ARHGAP10: variants seen among roughly 807,000 people sequenced by gnomAD.
ARHGAP10 encodes the protein rho GTPase-activating protein 10.
A neutral mutation model predicts 108.6 loss-of-function variants in ARHGAP10; 87 were observed. That is an observed-to-expected ratio of 0.80 (90% CI 0.67 to 0.96). The LOEUF (loss-of-function observed/expected upper bound fraction) is 0.96, where lower values mean the gene tolerates loss of function less well. Among genes scored for constraint, ARHGAP10 ranks in the 40% least tolerant of loss-of-function variants. The pLI is 0.00. For synonymous variants in ARHGAP10, 347 were observed against 341.1 expected (o/e 1.02, Z -0.19); for missense variants, 939 against 954.5 (o/e 0.98, Z 0.21).
chr4:147,815,212 C>T (rs142797365), intron 1 of ARHGAP10, among the ~76,000 whole-genome samples: 98 of 152,336 alleles, frequency 6.4e-4, no homozygotes, highest in Non-Finnish European at 1.2e-3. Flanking sequence ...TCTCTGGGTT[C>T]CACTACTTCC....
chr4:147,813,158 A>C (rs960457055), intron 1 of ARHGAP10, among the ~76,000 whole-genome samples: 1 of 151,980 alleles, frequency 6.6e-6, no homozygotes, highest in African/African-American at 2.4e-5. Flanking sequence ...TTTTTAAATA[A>C]AAGAATTGTA....
intron 18 of ARHGAP10, among the ~76,000 whole-genome samples, chr4:147,997,703 AAAG>A (rs1474281922): frequency 6.6e-6 from 1 of 152,238 alleles, no homozygotes; most frequent in African/African-American, 2.4e-5. Flanking sequence ...TAACCTGGTC[AAAG>A]AATCCACTAA....
At chr4:147,958,383 TC>T (rs56668377) in intron 16 of ARHGAP10, among the ~76,000 whole-genome samples, 6,967 of 152,288 alleles carry the variant, frequency 0.046, 519 homozygotes, top group African/African-American at 0.16. Flanking sequence ...GTGTATTTCT[TC>T]CTGTAGTCAA....
Position 147,909,792 on chromosome 4 carries a change from A to G in ARHGAP10, c.1162+15A>G. 2 of 1,598,090 alleles carry G rather than the reference A, an allele frequency of 1.3e-6. No individual in the cohort carries two copies. Among genetic ancestry groups the G allele is most frequent in the Non-Finnish European group, 1.7e-6 (2 of 1,165,538 alleles). ...ACCAGAAGGAAGTAAGTGCTCATTT[A>G]TAAAAATGATTGTATCCTCCTTTTC... On this transcript the variant is annotated intron_variant, in intron 12 of 22. Transcript: ENST00000336498.
chr4:147,955,437 A>G, intron 16 of ARHGAP10, 63 bp downstream of exon 16: 1 of 1,417,882 alleles, frequency 7.1e-7, no homozygotes. Context: ...TAAACGAAAA[A>G]TTTCCATATG....
intron 13 of ARHGAP10, among the ~76,000 whole-genome samples, chr4:147,926,371 AAG>A (rs780479874): frequency 2.0e-5 from 3 of 152,088 alleles, no homozygotes; most frequent in Non-Finnish European, 4.4e-5. Flanking sequence ...GATGGATAGG[AAG>A]AGAGACTTCG....
chr4:148,061,063 C>A (rs1578839189), intron 20 of ARHGAP10, among the ~76,000 whole-genome samples: 1 of 151,432 alleles, frequency 6.6e-6, no homozygotes, highest in African/African-American at 2.4e-5. Flanking sequence ...ACAAACACAC[C>A]CACCCACCCG....
At chr4:147,916,717 C>T (rs568376394) in intron 13 of ARHGAP10, 5 of 152,250 alleles carry the variant, frequency 3.3e-5, no homozygotes, top group Admixed American at 2.0e-4. Flanking sequence ...GAAGTGATTC[C>T]AAAAGTCCAC....
At chr4:147,760,012 A>C (rs1729530656) in intron 1 of ARHGAP10, among the ~76,000 whole-genome samples, 2 of 152,158 alleles carry the variant, frequency 1.3e-5, no homozygotes, top group Admixed American at 1.3e-4. Flanking sequence ...AGCCTCCCAA[A>C]GTGCTGGAAT....
chr4:147,849,428 C>T (rs932411561), intron 4 of ARHGAP10, among the ~76,000 whole-genome samples: 2 of 152,096 alleles, frequency 1.3e-5, no homozygotes, highest in Non-Finnish European at 2.9e-5. Flanking sequence ...CAGTCTTGTT[C>T]CTCTGATTAA....
chr4:148,058,397 C>T (rs970656419), intron 20 of ARHGAP10, among the ~76,000 whole-genome samples: 5 of 152,072 alleles, frequency 3.3e-5, no homozygotes, highest in South Asian at 2.1e-4. Context: ...TTTCTTAATG[C>T]GTATTCTCCT....
chr4:147,993,021 A>G lies in ARHGAP10; in HGVS notation c.1716+26182A>G, dbSNP rs144494237. Among the ~76,000 whole-genome samples the G allele has an allele frequency of 3.4e-3, 525 of 152,332 alleles. 2 individuals are homozygous for G. Among genetic ancestry groups the G allele is most frequent in the African/African-American group, 0.012 (505 of 41,576 alleles). On this transcript the variant is annotated intron_variant, in intron 18 of 22. Transcript: ENST00000336498. ...AGTCATTACTACTTCTTATGCAGAT[A>G]TTTGTAGAATTACCTTCTTTCTAAT...
At chr4:147,948,101 C>G (rs577862632) in intron 15 of ARHGAP10, among the ~76,000 whole-genome samples, 2 of 151,964 alleles carry the variant, frequency 1.3e-5, no homozygotes, top group Non-Finnish European at 2.9e-5. Context: ...CCACCATGTC[C>G]GGCTAATTTT....
intron 1 of ARHGAP10, among the ~76,000 whole-genome samples, chr4:147,791,192 G>A (rs1237933523): frequency 6.7e-6 from 1 of 149,694 alleles, no homozygotes; most frequent in African/African-American, 2.5e-5. Flanking sequence ...GCTCACTGCA[G>A]CCTCTGTGTC....
intron 18 of ARHGAP10, among the ~76,000 whole-genome samples, chr4:147,980,279 G>A (rs1216786826): frequency 6.6e-6 from 1 of 151,844 alleles, no homozygotes; most frequent in Admixed American, 6.6e-5. Flanking sequence ...TGCTTTTTCT[G>A]TGTCTATTGA....
chr4:147,957,872 G>GA (rs1378413100), intron 16 of ARHGAP10, among the ~76,000 whole-genome samples: 1 of 151,802 alleles, frequency 6.6e-6, no homozygotes, highest in African/African-American at 2.4e-5. Flanking sequence ...TCCTTGTTCT[G>GA]AAAAAAAGAT....
intron 10 of ARHGAP10, among the ~76,000 whole-genome samples, chr4:147,893,409 CT>C (rs1735865444): frequency 6.7e-6 from 1 of 148,344 alleles, no homozygotes; most frequent in Non-Finnish European, 1.5e-5. Flanking sequence ...GGAATTATAC[CT>C]TTTTATTGAA....
chr4:148,070,403 C>T (rs773486373), intron 22 of ARHGAP10, among the ~76,000 whole-genome samples: 1 of 152,096 alleles, frequency 6.6e-6, no homozygotes. Context: ...AAAGTGCAGG[C>T]GGTTAGTCTG....
At chr4:147,916,569 G>T (rs1258670526) in intron 13 of ARHGAP10, 3 of 152,200 alleles carry the variant, frequency 2.0e-5, no homozygotes, top group Non-Finnish European at 4.4e-5. Context: ...AACTGGCAGT[G>T]CCCAGATTAT....
Sources: gnomAD v4.1 joint callset for allele counts (sites outside exome capture counted in the v4.1 genomes callset) on GRCh38, gnomAD v4.1.1 for gene constraint, MANE v1.5 for transcripts, NCBI Gene and HGNC (gene_info 2026-07-23, HGNC 2026-07-21) for gene names.